The following CXCL13 variants were observed in gnomAD, a reference collection of about 807,000 sequenced individuals.
The protein encoded by CXCL13 is C-X-C motif chemokine ligand 13.
A neutral mutation model predicts 12.2 loss-of-function variants in CXCL13; 7 were observed. The observed-to-expected ratio is 0.57, with a 90% CI of 0.33 to 1.07. CXCL13 has a LOEUF of 1.07. Among genes scored for constraint, CXCL13 ranks in the 50% least tolerant of loss-of-function variants. The pLI is 0.04. For synonymous variants in CXCL13, 47 were observed against 42.4 expected, an observed-to-expected ratio of 1.11 and a Z score of -0.42; for missense variants, 113 against 127.4, an observed-to-expected ratio of 0.89 and a Z score of 0.55.
At chr4:77,529,945 G>T (rs558142918) in intron 1 of CXCL13, among the ~76,000 whole-genome samples, 17 of 152,146 alleles carry the variant, frequency 1.1e-4, no homozygotes, top group African/African-American at 4.1e-4. Context: ...TTTGAGATAC[G>T]CTCCATCAAT....
intron 2 of CXCL13, among the ~76,000 whole-genome samples, chr4:77,609,927 G>A (rs72861989): frequency 0.074 from 11,227 of 152,290 alleles, 1,306 homozygotes; most frequent in African/African-American, 0.25. Context: ...AGGTAAGGAA[G>A]TAATAATTTC....
rs1425701456 is a variant in CXCL13 at position 77,611,174 on chromosome 4, C to A, written c.*135C>A. 1 of 743,532 alleles carries A rather than the reference C, an allele frequency of 1.3e-6. No homozygotes were observed. The highest frequency in any genetic ancestry group is 2.2e-6 in the Non-Finnish European group (1 of 453,804). The allele number at this position is 743,532 out of a possible 1,614,324, so 46.1% of individuals were successfully genotyped here. On this transcript the variant is annotated 3_prime_UTR_variant, in exon 4 of 4. Transcript: ENST00000682537. ...TAAGCATGAGACTATGTAAAAATAA[C>A]CTTGCAGAAGCTGATGGGGCAAACT...
At chr4:77,554,267 A>G (rs1725607178) in intron 1 of CXCL13, among the ~76,000 whole-genome samples, 1 of 152,094 alleles carries the variant, frequency 6.6e-6, no homozygotes, top group Non-Finnish European at 1.5e-5. Flanking sequence ...TAAAAAACAG[A>G]TAGTTTAAAG....
At chr4:77,511,858 C>T (rs1445983538) in intron 1 of CXCL13, 1 of 152,144 alleles carries the variant, frequency 6.6e-6, no homozygotes, top group Non-Finnish European at 1.5e-5. Flanking sequence ...TAATGTCTAT[C>T]ATTCTTTTTG....
At chr4:77,577,722 G>A (rs1237426834) in intron 1 of CXCL13, among the ~76,000 whole-genome samples, 1 of 152,122 alleles carries the variant, frequency 6.6e-6, no homozygotes, top group African/African-American at 2.4e-5. Context: ...GGGACTCAGG[G>A]ATATAAGAAC....
At chr4:77,588,730 C>T (rs149647696) in intron 1 of CXCL13, among the ~76,000 whole-genome samples, 168 of 152,254 alleles carry the variant, frequency 1.1e-3, no homozygotes, top group African/African-American at 3.9e-3. Flanking sequence ...TCCTCTTTCT[C>T]TGGTTCTTTT....
intron 1 of CXCL13, among the ~76,000 whole-genome samples, chr4:77,522,679 T>A (rs914165046): frequency 5.5e-4 from 84 of 152,054 alleles, no homozygotes; most frequent in African/African-American, 1.9e-3. Context: ...TCAGTTTGTG[T>A]GTTTTAATTG....
chr4:77,605,248 A>G (rs1030419771), upstream of CXCL13, among the ~76,000 whole-genome samples: 4 of 152,194 alleles, frequency 2.6e-5, no homozygotes, highest in Admixed American at 2.6e-4. Flanking sequence ...TGATGGTCAG[A>G]TTATATAAGT....
chr4:77,549,209 A>G (rs1725448980), intron 1 of CXCL13, among the ~76,000 whole-genome samples: 1 of 152,148 alleles, frequency 6.6e-6, no homozygotes, highest in Admixed American at 6.5e-5. Context: ...GGTCTTCTCT[A>G]TGCTGCTTAT....
At chr4:77,546,229 C>T (rs1227608288) in intron 1 of CXCL13, among the ~76,000 whole-genome samples, 2 of 152,100 alleles carry the variant, frequency 1.3e-5, no homozygotes, top group Non-Finnish European at 2.9e-5. Flanking sequence ...TGTGTCTCTG[C>T]CAGGCTTTGT....
intron 1 of CXCL13, among the ~76,000 whole-genome samples, chr4:77,524,984 G>A (rs1724724109): frequency 1.3e-5 from 2 of 152,318 alleles, no homozygotes; most frequent in South Asian, 4.1e-4. Flanking sequence ...CATGTTGGAA[G>A]CTTAATCCCC....
At chr4:77,545,710 T>C (rs1048317154) in intron 1 of CXCL13, among the ~76,000 whole-genome samples, 4 of 152,206 alleles carry the variant, frequency 2.6e-5, no homozygotes, top group African/African-American at 9.7e-5. Context: ...CAATTTGACT[T>C]CCTCTTTTCC....
intron 1 of CXCL13, among the ~76,000 whole-genome samples, chr4:77,595,098 A>ATT (rs58429511): frequency 0.019 from 2,625 of 141,376 alleles, 81 homozygotes; most frequent in African/African-American, 0.064. Context: ...GTTTTAGGTG[A>ATT]TTTTTTTTTT....
intron 2 of CXCL13, among the ~76,000 whole-genome samples, chr4:77,608,635 C>T (rs1235358079): frequency 6.6e-6 from 1 of 152,192 alleles, no homozygotes; most frequent in African/African-American, 2.4e-5. Flanking sequence ...TAAGCAGCTA[C>T]TTCCTCTTTG....
chr4:77,554,928 C>A (rs915407246), intron 1 of CXCL13, among the ~76,000 whole-genome samples: 2 of 151,516 alleles, frequency 1.3e-5, no homozygotes, highest in Non-Finnish European at 2.9e-5. Flanking sequence ...ACAGCTGAAG[C>A]AGTGATTGGG....
intron 1 of CXCL13, among the ~76,000 whole-genome samples, chr4:77,535,670 C>A (rs1725041511): frequency 6.6e-6 from 1 of 152,190 alleles, no homozygotes. Context: ...GAAGCCCAAA[C>A]TCACCCAATT....
chr4:77,594,148 G>C (rs1726688151), intron 1 of CXCL13, among the ~76,000 whole-genome samples: 1 of 152,218 alleles, frequency 6.6e-6, no homozygotes, highest in Non-Finnish European at 1.5e-5. Flanking sequence ...AAAAGCACTG[G>C]ACTTTTAATC....
At chr4:77,595,317 T>A (rs1358790646) in intron 1 of CXCL13, among the ~76,000 whole-genome samples, 1 of 152,216 alleles carries the variant, frequency 6.6e-6, no homozygotes, top group Admixed American at 6.5e-5. Context: ...TTTGTACTTT[T>A]AAACTCAGGG....
At chr4:77,522,147 G>T (rs989740105) in intron 1 of CXCL13, among the ~76,000 whole-genome samples, 5 of 152,220 alleles carry the variant, frequency 3.3e-5, no homozygotes, top group Middle Eastern at 3.4e-3. Context: ...GTCAATTTTG[G>T]TATAAGGGCA....
Sources: allele counts gnomAD v4.1 joint callset (sites outside exome capture counted in the v4.1 genomes callset), GRCh38; gene constraint gnomAD v4.1.1; transcripts MANE v1.5; gene names NCBI Gene and HGNC (gene_info 2026-07-23, HGNC 2026-07-21).